Variants in TOGARAM2 observed in about 807,000 individuals in gnomAD.
The protein encoded by TOGARAM2 is TOG array regulator of axonemal microtubules protein 2.
Under a neutral mutation model 93.3 loss-of-function variants are expected in TOGARAM2, and 85 were observed. The observed-to-expected ratio is 0.91, with a 90% CI of 0.76 to 1.09. The LOEUF (loss-of-function observed/expected upper bound fraction) is 1.09, where lower values mean the gene tolerates loss of function less well. TOGARAM2 is among the 50% of genes least tolerant of loss of function. The pLI is 0.00. For missense variants in TOGARAM2, 1,277 were observed against 1,334.5 expected (o/e 0.96, Z 0.67); for synonymous variants, 593 against 552.8 (o/e 1.07, Z -1.02).
At chr2:29,021,383 G>T (rs909974844) in intron 10 of TOGARAM2, among the ~76,000 whole-genome samples, 1 of 152,204 alleles carries the variant, frequency 6.6e-6, no homozygotes, top group Non-Finnish European at 1.5e-5. Flanking sequence ...TTCTTGTCCT[G>T]GCTGTGCTGA....
At chr2:29,020,182 T>A (rs561893158) in intron 10 of TOGARAM2, among the ~76,000 whole-genome samples, 1 of 147,856 alleles carries the variant, frequency 6.8e-6, no homozygotes, top group East Asian at 1.9e-4. Flanking sequence ...AAGAGCAGTT[T>A]TGGAACTAAG....
chr2:29,040,557 T>A (rs12470841), intron 18 of TOGARAM2, among the ~76,000 whole-genome samples: 13,833 of 152,188 alleles, frequency 0.091, 707 homozygotes, highest in East Asian at 0.14. Context: ...TGAGCTAGGG[T>A]ATCTGGGAGT....
intron 8 of TOGARAM2, among the ~76,000 whole-genome samples, chr2:29,016,199 C>T (rs1249567504): frequency 1.3e-5 from 2 of 152,194 alleles, no homozygotes; most frequent in Non-Finnish European, 2.9e-5. Flanking sequence ...CTCTTCCTCT[C>T]TCGCCCCGCA....
intron 18 of TOGARAM2, among the ~76,000 whole-genome samples, chr2:29,044,882 G>C (rs1666645949): frequency 6.6e-6 from 1 of 151,894 alleles, no homozygotes; most frequent in African/African-American, 2.4e-5. Flanking sequence ...CAGTGATTCT[G>C]TTTCCCCTAA....
chr2:28,999,577 C>G, intron 4 of TOGARAM2, 109 bp downstream of exon 4: 2 of 1,294,468 alleles, frequency 1.5e-6, no homozygotes, highest in Non-Finnish European at 2.1e-6. Context: ...GCTGGGATGC[C>G]CTGGGGGTGA....
At chr2:29,045,504 C>A in intron 19 of TOGARAM2, 94 bp downstream of exon 19, 3 of 1,065,682 alleles carry the variant, frequency 2.8e-6, no homozygotes, top group Non-Finnish European at 1.4e-6. Flanking sequence ...TATCTTAGAC[C>A]TGAAATAATC....
intron 1 of TOGARAM2, 81 bp downstream of exon 1, chr2:28,981,619 G>A (rs1672197009): frequency 6.6e-6 from 1 of 152,526 alleles, no homozygotes; most frequent in Non-Finnish European, 1.5e-5. Context: ...AGTCCCTGGA[G>A]GGAGGGATAA....
At chr2:29,006,717 A>G (rs1198353056) in intron 6 of TOGARAM2, among the ~76,000 whole-genome samples, 3 of 152,014 alleles carry the variant, frequency 2.0e-5, no homozygotes, top group Non-Finnish European at 4.4e-5. Context: ...AGACCCGTCC[A>G]TGTACCTGCT....
chr2:28,957,432 C>T (rs1239045491), intron 1 of TOGARAM2, among the ~76,000 whole-genome samples: 11 of 152,144 alleles, frequency 7.2e-5, no homozygotes, highest in Admixed American at 4.6e-4. Flanking sequence ...CCGCCTGCCT[C>T]GACCTCCCAA....
chr2:28,989,917 T>A (rs1672640434), intron 1 of TOGARAM2, among the ~76,000 whole-genome samples: 1 of 152,174 alleles, frequency 6.6e-6, no homozygotes, highest in Non-Finnish European at 1.5e-5. Context: ...CCCCTTCATA[T>A]CTTAGTACCT....
chr2:29,010,546 C>A (rs899821710), intron 6 of TOGARAM2, among the ~76,000 whole-genome samples: 2 of 152,080 alleles, frequency 1.3e-5, no homozygotes, highest in African/African-American at 2.4e-5. Context: ...GTCCTACCGC[C>A]CCTCCTGCAG....
At chr2:28,976,231 C>T (rs1338812753) in intron 1 of TOGARAM2, among the ~76,000 whole-genome samples, 1 of 152,090 alleles carries the variant, frequency 6.6e-6, no homozygotes, top group Non-Finnish European at 1.5e-5. Flanking sequence ...ATTAGCCGGA[C>T]GTGGTGGCGG....
intron 1 of TOGARAM2, among the ~76,000 whole-genome samples, chr2:28,983,497 G>T (rs1392119777): frequency 6.6e-6 from 1 of 151,986 alleles, no homozygotes; most frequent in Non-Finnish European, 1.5e-5. Context: ...GCAGTCGTTT[G>T]TTTCATTGCT....
chr2:29,029,990 C>T (rs535135600), intron 14 of TOGARAM2, among the ~76,000 whole-genome samples: 26 of 152,210 alleles, frequency 1.7e-4, no homozygotes, highest in Non-Finnish European at 2.4e-4. Context: ...AAAACATTGC[C>T]TGGCTGGGTG....
upstream of TOGARAM2, among the ~76,000 whole-genome samples, chr2:28,978,096 G>A (rs1181648300): frequency 5.9e-5 from 9 of 152,052 alleles, no homozygotes; most frequent in Admixed American, 2.0e-4. Context: ...TGGTAGAGAC[G>A]GGGTTTTACC....
intron 7 of TOGARAM2, among the ~76,000 whole-genome samples, chr2:29,012,274 A>G (rs1664301594): frequency 6.6e-6 from 1 of 152,104 alleles, no homozygotes; most frequent in Admixed American, 6.5e-5. Context: ...CCTCCCCAGG[A>G]CCAGCTTCCT....
At chr2:29,035,350 G>A (rs1436946852) in intron 16 of TOGARAM2, 114 bp from the exon 17 acceptor site, 1 of 988,476 alleles carries the variant, frequency 1.0e-6, no homozygotes. Flanking sequence ...CTAACCTGCA[G>A]GTGACACTCT....
At chr2:29,018,072 G>A (rs561627505) in intron 10 of TOGARAM2, 116 bp downstream of exon 10, 1 of 1,230,622 alleles carries the variant, frequency 8.1e-7, no homozygotes, top group East Asian at 2.7e-5. Context: ...GTCCATGTTA[G>A]ACCAGGAGGC....
intron 6 of TOGARAM2, among the ~76,000 whole-genome samples, chr2:29,008,154 T>C (rs1664003108): frequency 6.6e-6 from 1 of 152,232 alleles, no homozygotes; most frequent in South Asian, 2.1e-4. Context: ...TTATTTTTTA[T>C]TGTTATTATT....
Sources: gnomAD v4.1 joint callset for allele counts (sites outside exome capture counted in the v4.1 genomes callset) on GRCh38, gnomAD v4.1.1 for gene constraint, MANE v1.5 for transcripts, NCBI Gene and HGNC (gene_info 2026-07-23, HGNC 2026-07-21) for gene names.